LDHC: variants seen among roughly 807,000 people sequenced by gnomAD.
The protein encoded by LDHC is lactate dehydrogenase C.
LDHC carries 20 observed loss-of-function variants against 30.2 expected under a neutral mutation model. The observed-to-expected ratio is 0.66, with a 90% confidence interval of 0.47 to 0.96. LDHC has a LOEUF of 0.96. LDHC is among the 40% of genes least tolerant of loss of function. LDHC has a pLI of 0.00. For synonymous variants in LDHC, 139 were observed against 132.7 expected (o/e 1.05, Z -0.32); for missense variants, 362 against 394.9 (o/e 0.92, Z 0.71).
rs1466639452 is a variant in LDHC, at chr11:18,446,265, G to C, written c.766G>C (p.Val256Leu). The change falls in exon 7 of 8, where the codon GTG (valine) becomes CTG (leucine). Residue 256 changes from valine (V) to leucine (L), a missense_variant. Coordinates refer to ENST00000541669, the MANE Select transcript of LDHC (RefSeq NM_017448.5). ...GYTSWAIGLS[V>L]MDLVGSILKN... Reference sequence around the variant, plus strand: ...TACCTCTTGGGCTATTGGACTGTCTGTGATGGATTTGGTAGGATCCATTTT... The same window carrying C: ...TACCTCTTGGGCTATTGGACTGTCTCTGATGGATTTGGTAGGATCCATTTT... The C allele has an allele frequency of 6.3e-7, 1 of 1,596,906 alleles. No individual in the cohort carries two copies. The highest frequency in any genetic ancestry group is 8.6e-7 in the Non-Finnish European group (1 of 1,164,540).
At chr11:18,426,097 C>T (rs901980821) in intron 3 of LDHC, among the ~76,000 whole-genome samples, 4 of 151,726 alleles carry the variant, frequency 2.6e-5, no homozygotes, top group Non-Finnish European at 5.9e-5. Context: ...TGCACTGCAG[C>T]CTCTAACTCC....
rs150687822 is a variant in LDHC, at chr11:18,450,968, A to G, written c.840A>G (p.Leu280=). ...VHPVSTMVKG[L]YGIKEELFLS... ...TATCTTATCTTGCCTTTCAGGGATTATATGGAATAAAAGAAGAACTCTTTC... is the reference window on the plus strand; with the variant it reads ...TATCTTATCTTGCCTTTCAGGGATTGTATGGAATAAAAGAAGAACTCTTTC... Residue 280 remains leucine (L), a synonymous_variant, in exon 8 of 8, where the codon TTA becomes TTG. Coordinates refer to ENST00000541669, the MANE Select transcript of LDHC (RefSeq NM_017448.5). The G allele has an allele frequency of 1.5e-4, 237 of 1,584,082 alleles. 1 individual carries two copies. The highest frequency in any genetic ancestry group is 1.2e-3 in the Middle Eastern group (7 of 6,002).
intron 3 of LDHC, among the ~76,000 whole-genome samples, chr11:18,417,479 G>A (rs767323046): frequency 2.6e-5 from 4 of 152,062 alleles, no homozygotes; most frequent in Non-Finnish European, 2.9e-5. Context: ...CTGCAGCCTC[G>A]AATTCCCAGG....
intron 4 of LDHC, among the ~76,000 whole-genome samples, chr11:18,434,021 T>G (rs1258920052): frequency 6.6e-6 from 1 of 152,172 alleles, no homozygotes; most frequent in Non-Finnish European, 1.5e-5. Flanking sequence ...TTTCTTTGTC[T>G]TTGTTGGATT....
intron 3 of LDHC, among the ~76,000 whole-genome samples, chr11:18,422,104 G>A (rs1235331204): frequency 1.3e-5 from 2 of 151,944 alleles, no homozygotes; most frequent in East Asian, 1.9e-4. Flanking sequence ...CAGCCTAAGC[G>A]ATGGAGCAAG....
At chr11:18,424,306 C>T (rs995611629) in intron 3 of LDHC, among the ~76,000 whole-genome samples, 2 of 151,912 alleles carry the variant, frequency 1.3e-5, no homozygotes, top group Non-Finnish European at 2.9e-5. Flanking sequence ...CGCTTGAACC[C>T]AGGAGGTGGA....
At chr11:18,443,842 A>G (rs577760710) in intron 6 of LDHC, among the ~76,000 whole-genome samples, 19 of 152,356 alleles carry the variant, frequency 1.2e-4, no homozygotes, top group African/African-American at 4.3e-4. Context: ...TGTGATTTGA[A>G]TACCAAATAT....
chr11:18,426,121 C>T (rs1011978412), intron 3 of LDHC, among the ~76,000 whole-genome samples: 4 of 151,794 alleles, frequency 2.6e-5, no homozygotes, highest in South Asian at 2.1e-4. Context: ...GTTCAAGTGA[C>T]CCTCTTGATT....
At position 18,429,825 on chromosome 11, in the gene LDHC, A is replaced by G. The variant is rs144306480; in HGVS notation, c.333A>G (p.Gln111=). ...GAGAAACTCGCCTTGCCCTGGTCCA[A>G]CGTAATGTGGCTATAATGAAATCAA... is the stretch of plus-strand genomic sequence containing the variant. ...QEGETRLALV[Q]RNVAIMKSII... is the part of the protein sequence containing the mutation. Residue 111 remains glutamine (Q), a synonymous_variant, in exon 4 of 8, where the codon CAA becomes CAG. Coordinates refer to ENST00000541669, the MANE Select transcript of LDHC (RefSeq NM_017448.5). The G allele has an allele frequency of 2.2e-5, 35 of 1,611,830 alleles. No individual in the cohort carries two copies. Among genetic ancestry groups the G allele is most frequent in the African/African-American group, 1.9e-4 (14 of 74,880 alleles).
At chr11:18,435,528 C>T (rs1278907668) in intron 5 of LDHC, among the ~76,000 whole-genome samples, 1 of 151,940 alleles carries the variant, frequency 6.6e-6, no homozygotes, top group Non-Finnish European at 1.5e-5. Flanking sequence ...CATTGTGCTT[C>T]CTGTACAGCT....
At chr11:18,429,089 C>T (rs1848216852) in intron 3 of LDHC, among the ~76,000 whole-genome samples, 1 of 147,826 alleles carries the variant, frequency 6.8e-6, no homozygotes, top group Non-Finnish European at 1.5e-5. Flanking sequence ...CATAAATTCT[C>T]AGAGTTCTAA....
chr11:18,440,796 T>C (rs1274849928), intron 6 of LDHC, among the ~76,000 whole-genome samples: 1 of 151,340 alleles, frequency 6.6e-6, no homozygotes, highest in Non-Finnish European at 1.5e-5. Context: ...CCAGGCATGG[T>C]GGTATGTCTG....
chr11:18,434,997 T>C, intron 5 of LDHC, 84 bp downstream of exon 5: 2 of 896,096 alleles, frequency 2.2e-6, no homozygotes, highest in Non-Finnish European at 3.3e-6. Flanking sequence ...TTCCCTGATA[T>C]TAATATAGTT....
intron 6 of LDHC, among the ~76,000 whole-genome samples, chr11:18,443,102 TGCTTTGTTTCACCAAAAA>T (rs1848495380): frequency 1.3e-5 from 2 of 152,228 alleles, no homozygotes; most frequent in Non-Finnish European, 2.9e-5. Flanking sequence ...AACCTACAAA[TGCTTTGTTTCACCAAAAA>T]GCTTTGAATG....
At chr11:18,426,014 C>T (rs1848156198) in intron 3 of LDHC, among the ~76,000 whole-genome samples, 1 of 142,128 alleles carries the variant, frequency 7.0e-6, no homozygotes, top group Admixed American at 7.4e-5. Flanking sequence ...GATGGAACAT[C>T]GTTGATTAGC....
In LDHC at chr11:18,429,784, G is replaced by T; in HGVS notation, c.292G>T (p.Ala98Ser). Reference sequence around the variant, plus strand: ...CAGAATAGTTATTGTCACAGCAGGTGCAAGGCAGCAGGAGGGAGAAACTCG... The same window carrying T: ...CAGAATAGTTATTGTCACAGCAGGTTCAAGGCAGCAGGAGGGAGAAACTCG... ...NSRIVIVTAG[A>S]RQQEGETRLA... Residue 98 changes from alanine to serine, a missense_variant, in exon 4 of 8, where the codon GCA becomes TCA. Transcript: ENST00000541669. The T allele has an allele frequency of 6.2e-7, 1 of 1,612,852 alleles. No homozygotes were observed. Among genetic ancestry groups the T allele is most frequent in the Non-Finnish European group, 8.5e-7 (1 of 1,179,046 alleles).
At chr11:18,435,068 A>G (rs1409167815) in intron 5 of LDHC, among the ~76,000 whole-genome samples, 155 bp downstream of exon 5, 4 of 152,084 alleles carry the variant, frequency 2.6e-5, no homozygotes, top group Admixed American at 6.6e-5. Flanking sequence ...TTTAGTTTCA[A>G]TCTTTTGCAT....
intron 3 of LDHC, among the ~76,000 whole-genome samples, chr11:18,424,380 T>C (rs1848124619): frequency 6.9e-6 from 1 of 143,942 alleles, no homozygotes; most frequent in Non-Finnish European, 1.5e-5. Flanking sequence ...AAACTCTGTC[T>C]CAAAAAAAAA....
intron 3 of LDHC, among the ~76,000 whole-genome samples, chr11:18,421,779 A>G (rs1848058752): frequency 6.6e-6 from 1 of 152,154 alleles, no homozygotes; most frequent in Non-Finnish European, 1.5e-5. Flanking sequence ...GGGATTACAG[A>G]TGACATGATC....
Sources: allele counts gnomAD v4.1 joint callset (sites outside exome capture counted in the v4.1 genomes callset), GRCh38; gene constraint gnomAD v4.1.1; transcripts MANE v1.5; gene names NCBI Gene and HGNC (gene_info 2026-07-23, HGNC 2026-07-21).